The following PDE4D variants were observed in gnomAD, a reference collection of about 807,000 sequenced individuals.
PDE4D encodes the protein phosphodiesterase 4D.
PDE4D carries 24 observed loss-of-function variants against 87.4 expected under a neutral mutation model. The ratio of observed to expected loss-of-function variants is 0.27; its 90% CI spans 0.20 to 0.39. The LOEUF is 0.39. PDE4D is among the 10% of genes least tolerant of loss of function. The pLI is 1.00. For synonymous variants in PDE4D, 384 were observed against 383.2 expected (o/e 1.00, Z -0.02); for missense variants, 714 against 1,041.0 (o/e 0.69, Z 4.32).
intron 5 of PDE4D, among the ~76,000 whole-genome samples, chr5:59,103,521 C>A (rs901963398): frequency 8.5e-5 from 13 of 152,082 alleles, no homozygotes; most frequent in Admixed American, 3.9e-4. Context: ...AATAGGGAGC[C>A]CACATCCTGG....
At chr5:60,267,346 T>G (rs1209513239) in intron 1 of PDE4D, among the ~76,000 whole-genome samples, 1 of 152,174 alleles carries the variant, frequency 6.6e-6, no homozygotes. Flanking sequence ...CTAATTTTAT[T>G]AATGAGATCA....
At chr5:59,863,715 A>G (rs1374968255) in intron 1 of PDE4D, among the ~76,000 whole-genome samples, 1 of 152,212 alleles carries the variant, frequency 6.6e-6, no homozygotes, top group Non-Finnish European at 1.5e-5. Context: ...TCTGATGGAA[A>G]TGATAGCAAA....
intron 2 of PDE4D, among the ~76,000 whole-genome samples, chr5:60,142,038 T>G (rs1780577055): frequency 1.3e-5 from 2 of 152,156 alleles, no homozygotes; most frequent in African/African-American, 4.8e-5. Flanking sequence ...TCATGAATTT[T>G]GGGTCCTTTC....
In PDE4D at chr5:58,990,907, A is replaced by G; in HGVS notation, c.1189-5T>C. ...TTTGTTCACATCTTCTAGTTCCTGG[A>G]GTGAAAAAAAAAAAAAGATACTAAA... On this transcript the variant is annotated splice_polypyrimidine_tract_variant and splice_region_variant and intron_variant, in intron 8 of 14. Transcript: ENST00000340635. 1.4e-6 allele frequency: 2 copies of G among 1,398,032 alleles called. No individual in the cohort carries two copies. The highest frequency in any genetic ancestry group is 2.0e-5 in the Admixed American group (1 of 49,026). The allele number at this position is 1,398,032 out of a possible 1,614,324, so 86.6% of individuals were successfully genotyped here.
chr5:59,569,035 G>C (rs1821393449), intron 1 of PDE4D, among the ~76,000 whole-genome samples: 1 of 152,050 alleles, frequency 6.6e-6, no homozygotes, highest in African/African-American at 2.4e-5. Flanking sequence ...CAAATCTAAA[G>C]CTGTTTTAAA....
At chr5:59,299,576 G>C (rs1769766160) in intron 1 of PDE4D, among the ~76,000 whole-genome samples, 1 of 152,094 alleles carries the variant, frequency 6.6e-6, no homozygotes, top group South Asian at 2.1e-4. Flanking sequence ...ATTTTGATTA[G>C]GCCTAGAAAA....
intron 3 of PDE4D, among the ~76,000 whole-genome samples, chr5:59,899,468 CATGCTTAAGTGGTAAATATATATATAT>C (rs1354077060): frequency 1.3e-5 from 2 of 150,866 alleles, no homozygotes; most frequent in South Asian, 2.1e-4. Context: ...TATACATATG[CATGCTTAAGTGGTAAATATATATATAT>C]ATGCTTAAGT....
intron 3 of PDE4D, among the ~76,000 whole-genome samples, chr5:59,923,194 T>G (rs536696043): frequency 6.6e-6 from 1 of 152,128 alleles, no homozygotes; most frequent in East Asian, 1.9e-4. Context: ...TCACGTAAAA[T>G]AGAACACCAG....
rs1482183322 is a variant in PDE4D, at chr5:58,989,938, T to C, written c.1288-19A>G. On this transcript the variant is annotated intron_variant, in intron 9 of 14. Transcript: ENST00000340635. ...CCCGTTCCTGTAGGAAAAAAAATCA[T>C]CTTAACATTTTTGTCTTTATGTGAA... 1 of 1,443,798 alleles carries C rather than the reference T, an allele frequency of 6.9e-7. No homozygotes were observed. The highest frequency in any genetic ancestry group is 1.4e-5 in the African/African-American group (1 of 69,940). The allele number at this position is 1,443,798 out of a possible 1,614,324, so 89.4% of individuals were successfully genotyped here. A position where few individuals can be genotyped will look rare whatever the true frequency, so the allele number is the denominator to read the frequency against.
chr5:59,014,324 G>A (rs1753514532), intron 6 of PDE4D, among the ~76,000 whole-genome samples: 1 of 152,068 alleles, frequency 6.6e-6, no homozygotes, highest in Admixed American at 6.6e-5. Flanking sequence ...AAGAAACAAA[G>A]GGTATTCAAT....
chr5:60,319,204 A>G (rs1336751157), intron 1 of PDE4D, among the ~76,000 whole-genome samples: 1 of 152,014 alleles, frequency 6.6e-6, no homozygotes, highest in Non-Finnish European at 1.5e-5. Flanking sequence ...TTTTTTCTCT[A>G]AACTTCTCTT....
At chr5:60,237,630 T>C (rs911392623) in intron 1 of PDE4D, among the ~76,000 whole-genome samples, 1 of 151,996 alleles carries the variant, frequency 6.6e-6, no homozygotes, top group Non-Finnish European at 1.5e-5. Flanking sequence ...CAAAGGAGTG[T>C]GGCTGTGACT....
chr5:59,896,369 GA>G (rs1383498831), upstream of PDE4D, among the ~76,000 whole-genome samples: 2 of 151,936 alleles, frequency 1.3e-5, no homozygotes, highest in Non-Finnish European at 2.9e-5. Context: ...GGGGGAGCTT[GA>G]AAAAAAATGT....
intron 1 of PDE4D, among the ~76,000 whole-genome samples, chr5:60,320,246 T>G (rs999753926): frequency 6.6e-6 from 1 of 152,220 alleles, no homozygotes; most frequent in East Asian, 1.9e-4. Context: ...GTGCTGGCAA[T>G]GAGCAAGGCT....
chr5:59,829,072 C>A (rs1770665387), intron 1 of PDE4D, among the ~76,000 whole-genome samples: 1 of 151,930 alleles, frequency 6.6e-6, no homozygotes, highest in African/African-American at 2.4e-5. Context: ...ACTTGTGTTG[C>A]TGATGGAATA....
intron 1 of PDE4D, among the ~76,000 whole-genome samples, chr5:59,862,725 T>C (rs1475182354): frequency 1.3e-5 from 2 of 152,240 alleles, no homozygotes; most frequent in Admixed American, 1.3e-4. Context: ...GCTCAATAAC[T>C]AGCAGATTTT....
At chr5:59,925,545 T>TGG (rs1755162027) in intron 3 of PDE4D, among the ~76,000 whole-genome samples, 2 of 152,160 alleles carry the variant, frequency 1.3e-5, no homozygotes, top group East Asian at 3.8e-4. Context: ...ATCAATGGAC[T>TGG]AAACTCCCCA....
intron 5 of PDE4D, among the ~76,000 whole-genome samples, chr5:59,150,293 C>T (rs1204799923): frequency 6.6e-6 from 1 of 152,256 alleles, no homozygotes; most frequent in East Asian, 1.9e-4. Context: ...CATCCACTTG[C>T]TCATTTTCTC....
At chr5:59,950,971 A>C (rs1175951372) in intron 3 of PDE4D, among the ~76,000 whole-genome samples, 1 of 151,928 alleles carries the variant, frequency 6.6e-6, no homozygotes, top group African/African-American at 2.4e-5. Flanking sequence ...AGCAATTTCA[A>C]AAAAAATTGT....
Sources: gnomAD v4.1 joint callset for allele counts (sites outside exome capture counted in the v4.1 genomes callset) on GRCh38, gnomAD v4.1.1 for gene constraint, MANE v1.5 for transcripts, NCBI Gene and HGNC (gene_info 2026-07-23, HGNC 2026-07-21) for gene names.